The following BAIAP2 variants were observed in gnomAD, a reference collection of about 807,000 sequenced individuals.
BAIAP2 encodes BAR/IMD domain-containing adapter protein 2.
Under a neutral mutation model 63.0 loss-of-function variants are expected in BAIAP2, and 18 were observed. That is an observed-to-expected ratio of 0.29 (90% CI 0.20 to 0.42). The LOEUF is 0.42. BAIAP2 is among the 10% of genes least tolerant of loss of function. The probability of loss-of-function intolerance (pLI) is 1.00; values close to 1 mark genes in which losing one functional copy is unlikely to be tolerated. For missense variants in BAIAP2, 610 were observed against 734.3 expected (o/e 0.83, Z 1.96); for synonymous variants, 386 against 307.6 (o/e 1.25, Z -2.67).
chr17:81,074,325 C>G (rs1440274000), intron 3 of BAIAP2, among the ~76,000 whole-genome samples: 1 of 151,398 alleles, frequency 6.6e-6, no homozygotes, highest in Admixed American at 6.6e-5. Context: ...TGTGTGCATG[C>G]ACGGATACGT....
At chr17:81,081,050 C>A (rs1433304107) in intron 3 of BAIAP2, among the ~76,000 whole-genome samples, 3 of 152,204 alleles carry the variant, frequency 2.0e-5, no homozygotes, top group Non-Finnish European at 2.9e-5. Flanking sequence ...GTGGGTTCCC[C>A]CTCTCAGGCC....
At chr17:81,113,747 AAG>A (rs1568203363) in intron 13 of BAIAP2, among the ~76,000 whole-genome samples, 2 of 152,118 alleles carry the variant, frequency 1.3e-5, no homozygotes, top group Non-Finnish European at 2.9e-5. Flanking sequence ...GGGAGACAAG[AAG>A]AGAAAAATGC....
In BAIAP2 at chr17:81,115,797, G is replaced by A. The variant is rs565594476; in HGVS notation, c.1563G>A (p.Lys521=). Reference sequence around the variant, plus strand: ...ATCCCTTTGCCCACGTCCAGCTGAAGCCGACAGTGACCAACGACAGGTCTG... The same window carrying A: ...ATCCCTTTGCCCACGTCCAGCTGAAACCGACAGTGACCAACGACAGGTCTG... ...SRNPFAHVQL[K]PTVTNDRSAP... Residue 521 remains lysine (K), a synonymous_variant, in exon 14 of 14, where the codon AAG becomes AAA. Transcript: ENST00000428708. 2 of 1,613,520 alleles carry A rather than the reference G, an allele frequency of 1.2e-6. No individual in the cohort carries two copies. Among genetic ancestry groups the A allele is most frequent in the Non-Finnish European group, 1.7e-6 (2 of 1,180,022 alleles).
At chr17:81,049,580 G>GTCTGGGCA (rs1047035235) in intron 1 of BAIAP2, among the ~76,000 whole-genome samples, 1 of 151,996 alleles carries the variant, frequency 6.6e-6, no homozygotes, top group Non-Finnish European at 1.5e-5. Flanking sequence ...GCGTCTGGGC[G>GTCTGGGCA]TCTGAGCTCA....
At position 81,035,222 on chromosome 17, in the gene BAIAP2, C is replaced by T. The variant is rs755247850; in HGVS notation, c.-33C>T. The T allele has an allele frequency of 3.4e-6, 5 of 1,473,414 alleles. No homozygotes were observed. The highest frequency in any genetic ancestry group is 4.5e-6 in the Non-Finnish European group (5 of 1,103,870). 91.3% of individuals were successfully genotyped at this position (1,473,414 alleles called of 1,614,324 possible). A position where few individuals can be genotyped will look rare whatever the true frequency, so the allele number is the denominator to read the frequency against. ...CTGCTGCCGCCGCTTGCGTCCCCCGCTCCGGTCTGTGGTGCAGCCGGGACC... is the reference window on the plus strand; with the variant it reads ...CTGCTGCCGCCGCTTGCGTCCCCCGTTCCGGTCTGTGGTGCAGCCGGGACC... On this transcript the variant is annotated 5_prime_UTR_variant, in exon 1 of 14. Transcript: ENST00000428708.
intron 3 of BAIAP2, among the ~76,000 whole-genome samples, chr17:81,068,901 A>T (rs2052021281): frequency 6.6e-6 from 1 of 152,124 alleles, no homozygotes; most frequent in African/African-American, 2.4e-5. Context: ...TGTCCCAGAC[A>T]TGCTCCTGTG....
intron 6 of BAIAP2, among the ~76,000 whole-genome samples, chr17:81,099,400 G>A (rs2058185647): frequency 1.3e-5 from 2 of 152,002 alleles, no homozygotes; most frequent in Admixed American, 6.6e-5. Flanking sequence ...CCACTGTCCT[G>A]GGCTCCAGCT....
At chr17:81,064,130 C>G (rs1219993496) in intron 3 of BAIAP2, among the ~76,000 whole-genome samples, 1 of 151,990 alleles carries the variant, frequency 6.6e-6, no homozygotes, top group East Asian at 1.9e-4. Flanking sequence ...GGTGCCAACC[C>G]TGGCTGCCCT....
intron 6 of BAIAP2, chr17:81,097,476 C>A (rs765288872): frequency 6.6e-6 from 1 of 152,310 alleles, no homozygotes; most frequent in Non-Finnish European, 1.5e-5. Flanking sequence ...CCCTCCCCGC[C>A]GCCCACCCGG....
intron 1 of BAIAP2, among the ~76,000 whole-genome samples, chr17:81,044,598 C>T (rs962110834): frequency 9.2e-5 from 14 of 152,200 alleles, no homozygotes; most frequent in African/African-American, 3.4e-4. Flanking sequence ...TGGGAGGGGA[C>T]ACAGTTCAGC....
chr17:81,057,648 G>A, intron 2 of BAIAP2: 2 of 1,324,480 alleles, frequency 1.5e-6, no homozygotes, highest in Non-Finnish European at 9.6e-7. Flanking sequence ...GACCTGAACT[G>A]GTACGTTGTG....
chr17:81,042,509 C>T (rs1047216653), intron 1 of BAIAP2, among the ~76,000 whole-genome samples: 9 of 152,154 alleles, frequency 5.9e-5, no homozygotes, highest in Admixed American at 5.2e-4. Flanking sequence ...GTTCCTTCTT[C>T]GGATGGTCCT....
intron 12 of BAIAP2, 100 bp downstream of exon 12, chr17:81,107,007 G>A (rs1478815385): frequency 4.4e-6 from 6 of 1,363,576 alleles, no homozygotes; most frequent in Non-Finnish European, 9.7e-7. Context: ...CGGGGCGCCT[G>A]GGGGTCTGGG....
intron 10 of BAIAP2, chr17:81,105,754 G>T (rs2059110276): frequency 3.6e-6 from 1 of 276,138 alleles, no homozygotes; most frequent in Admixed American, 5.1e-5. Context: ...TCCAATCTTG[G>T]TGCCATCCGT....
intron 3 of BAIAP2, among the ~76,000 whole-genome samples, chr17:81,074,976 GT>G (rs1200867788): frequency 6.6e-6 from 1 of 152,244 alleles, no homozygotes; most frequent in African/African-American, 2.4e-5. Context: ...ATGTAGTTCT[GT>G]TTTCTAAACC....
In BAIAP2 at chr17:81,115,973, T is replaced by A. The variant is rs1482227949; in HGVS notation, c.*134T>A. On this transcript the variant is annotated 3_prime_UTR_variant, in exon 14 of 14. Coordinates refer to ENST00000428708, the MANE Select transcript of BAIAP2 (RefSeq NM_001144888.2). Reference sequence around the variant, plus strand: ...TGCCTGGTCTTGCCCCACTTGAGTCTGGCCTGGACTGGATCCCAGCTGTTC... The same window carrying A: ...TGCCTGGTCTTGCCCCACTTGAGTCAGGCCTGGACTGGATCCCAGCTGTTC... 1 of 1,499,804 alleles carries A rather than the reference T, an allele frequency of 6.7e-7. No homozygotes were observed. Among genetic ancestry groups the A allele is most frequent in the East Asian group, 2.5e-5 (1 of 40,710 alleles). 92.9% of individuals were successfully genotyped at this position (1,499,804 alleles called of 1,614,324 possible).
Position 81,116,348 on chromosome 17 carries a change from A to G in BAIAP2, c.*509A>G. On this transcript the variant is annotated 3_prime_UTR_variant, in exon 14 of 14. Coordinates refer to ENST00000428708, the MANE Select transcript of BAIAP2 (RefSeq NM_001144888.2). ...AATTCCCTGCAGGTCCGGCAGCTAC[A>G]CCTGGAGTGTGGGGCCTGGTCCCTC... The G allele has an allele frequency of 1.2e-6, 2 of 1,609,444 alleles. No homozygotes were observed. The highest frequency in any genetic ancestry group is 2.2e-5 in the South Asian group (2 of 90,776).
intron 6 of BAIAP2, among the ~76,000 whole-genome samples, chr17:81,094,871 G>A (rs183020205): frequency 3.1e-4 from 47 of 152,332 alleles, no homozygotes; most frequent in Non-Finnish European, 5.9e-4. Context: ...CAAGAATTAC[G>A]TTCTCATTCA....
intron 3 of BAIAP2, among the ~76,000 whole-genome samples, chr17:81,069,792 CCT>C (rs1376370916): frequency 3.3e-5 from 5 of 152,224 alleles, no homozygotes; most frequent in Non-Finnish European, 7.3e-5. Context: ...TCGGTGGACA[CCT>C]CTGGTCTCGC....
Sources: gnomAD v4.1 joint callset for allele counts (sites outside exome capture counted in the v4.1 genomes callset) on GRCh38, gnomAD v4.1.1 for gene constraint, MANE v1.5 for transcripts, NCBI Gene and HGNC (gene_info 2026-07-23, HGNC 2026-07-21) for gene names.